Variants in CSMD1 observed in about 807,000 individuals in gnomAD.
CSMD1 encodes the protein CUB and Sushi multiple domains 1.
A neutral mutation model predicts 417.5 loss-of-function variants in CSMD1; 213 were observed. The ratio of observed to expected loss-of-function variants is 0.51; its 90% confidence interval spans 0.46 to 0.57. The LOEUF is 0.57. Ranked by LOEUF, CSMD1 falls within the 20% of genes least tolerant of loss-of-function variation. The probability of loss-of-function intolerance (pLI) is 0.00; values close to 1 mark genes in which losing one functional copy is unlikely to be tolerated. For missense variants in CSMD1, 6,923 were observed against 4,529.7 expected, an observed-to-expected ratio of 1.53 and a Z score of -15.17; for synonymous variants, 2,862 against 1,736.8, an observed-to-expected ratio of 1.65 and a Z score of -16.11.
intron 10 of CSMD1, among the ~76,000 whole-genome samples, chr8:3,497,523 C>A (rs772639510): frequency 6.6e-6 from 1 of 152,124 alleles, no homozygotes; most frequent in Non-Finnish European, 1.5e-5. Context: ...TCATGTCTCA[C>A]CCTTCTAGGT....
intron 36 of CSMD1, among the ~76,000 whole-genome samples, chr8:3,181,664 C>A (rs1187240407): frequency 6.6e-6 from 1 of 152,174 alleles, no homozygotes; most frequent in Non-Finnish European, 1.5e-5. Context: ...TGTATATATG[C>A]TCTTCCTGAT....
In CSMD1 at chr8:4,967,254, T is replaced by C. The variant is rs145196281; in HGVS notation, c.85+27078A>G. On this transcript the variant is annotated intron_variant, in intron 1 of 69. Transcript: ENST00000635120. Reference sequence around the variant, plus strand: ...AAATCAAAGTTGGATAATACTTAGGTTGAGTTTTTATCAATTATTCTCTTG... The same window carrying C: ...AAATCAAAGTTGGATAATACTTAGGCTGAGTTTTTATCAATTATTCTCTTG... Among the ~76,000 whole-genome samples, 442 of 152,314 alleles carry C rather than the reference T, an allele frequency of 2.9e-3. 7 individuals carry two copies. The highest frequency in any genetic ancestry group is 0.02 in the East Asian group (104 of 5,184).
In CSMD1 at chr8:4,709,457, T is replaced by G. The variant is rs138343829; in HGVS notation, c.86-71899A>C. 2.8e-3 allele frequency among the ~76,000 whole-genome samples: 428 copies of G among 152,336 alleles called. 3 individuals are homozygous for G. The highest frequency in any genetic ancestry group is 1.0e-2 in the African/African-American group (415 of 41,596). On this transcript the variant is annotated intron_variant, in intron 1 of 69. Transcript: ENST00000635120. ...GCCTCAACACAGGAAATAGAGGGAC[T>G]CTGTCCATAGGACGTAAGGAACAGG...
At chr8:3,611,345 A>T (rs573921641) in intron 8 of CSMD1, among the ~76,000 whole-genome samples, 1 of 152,116 alleles carries the variant, frequency 6.6e-6, no homozygotes, top group Non-Finnish European at 1.5e-5. Context: ...GGGCTTGGTG[A>T]AGCCTGAGGG....
At chr8:3,939,957 C>G (rs1184658455) in intron 5 of CSMD1, among the ~76,000 whole-genome samples, 1 of 151,942 alleles carries the variant, frequency 6.6e-6, no homozygotes, top group African/African-American at 2.4e-5. Context: ...GAAATCACCA[C>G]TAAAGAACTT....
intron 5 of CSMD1, among the ~76,000 whole-genome samples, chr8:3,962,917 CA>C (rs1812425535): frequency 6.6e-6 from 1 of 152,084 alleles, no homozygotes; most frequent in Middle Eastern, 3.2e-3. Flanking sequence ...ATTTTTTCCA[CA>C]AAACTTTTCA....
At chr8:4,029,675 G>A (rs183542706) in intron 4 of CSMD1, among the ~76,000 whole-genome samples, 1 of 152,092 alleles carries the variant, frequency 6.6e-6, no homozygotes, top group Non-Finnish European at 1.5e-5. Flanking sequence ...CAAATCTCAT[G>A]TCCTCACATT....
At chr8:4,755,048 G>C (rs1288378923) in intron 1 of CSMD1, among the ~76,000 whole-genome samples, 2 of 152,052 alleles carry the variant, frequency 1.3e-5, no homozygotes, top group Non-Finnish European at 2.9e-5. Context: ...TGAGGCAGAA[G>C]AATTGCTTGA....
chr8:3,726,398 C>T (rs1284320894), intron 6 of CSMD1, among the ~76,000 whole-genome samples: 1 of 152,144 alleles, frequency 6.6e-6, no homozygotes, highest in African/African-American at 2.4e-5. Flanking sequence ...TAATATAAGT[C>T]TCTATAATTA....
Position 3,181,022 on chromosome 8 carries a change from CT to C in CSMD1, c.5725+87del, listed in dbSNP as rs1255585528. ...ACAGTTTTAGAAAAATAATATTTCA[CT>C]GTTTAATAAGAGCATGATTTATTTT... On this transcript the variant is annotated intron_variant, in intron 37 of 69. Coordinates refer to ENST00000635120, the MANE Select transcript of CSMD1 (RefSeq NM_033225.6). 4 of 780,144 alleles carry C rather than the reference CT, an allele frequency of 5.1e-6. No individual in the cohort carries two copies. In the African/African-American group the frequency reaches 7.0e-5, roughly 14 times the overall value. The allele number at this position is 780,144 out of a possible 1,614,324, so 48.3% of individuals were successfully genotyped here.
intron 6 of CSMD1, among the ~76,000 whole-genome samples, chr8:3,715,818 C>T (rs1280150318): frequency 6.6e-6 from 1 of 152,180 alleles, no homozygotes; most frequent in Non-Finnish European, 1.5e-5. Flanking sequence ...GCTGGGATTG[C>T]AGGCATGAGC....
intron 2 of CSMD1, among the ~76,000 whole-genome samples, chr8:4,595,324 G>T (rs144073276): frequency 5.8e-5 from 5 of 86,182 alleles, no homozygotes; most frequent in African/African-American, 1.3e-4. Flanking sequence ...CTAAGGCAAA[G>T]GATAATCATG....
chr8:4,212,862 C>A (rs1306096965), intron 3 of CSMD1, among the ~76,000 whole-genome samples: 1 of 149,182 alleles, frequency 6.7e-6, no homozygotes, highest in African/African-American at 2.5e-5. Context: ...AGCTTTCCAT[C>A]CTACAGGAAG....
At chr8:4,128,343 G>A (rs568114082) in intron 3 of CSMD1, among the ~76,000 whole-genome samples, 4 of 152,290 alleles carry the variant, frequency 2.6e-5, no homozygotes, top group South Asian at 2.1e-4. Context: ...AGACAAGAAC[G>A]TGAACCAAGT....
intron 2 of CSMD1, among the ~76,000 whole-genome samples, chr8:4,591,277 G>A (rs1454297604): frequency 1.3e-5 from 2 of 152,208 alleles, no homozygotes; most frequent in Non-Finnish European, 2.9e-5. Flanking sequence ...CAAATGTGAA[G>A]TACGAAGTCG....
chr8:4,673,168 G>C (rs1467185852), intron 1 of CSMD1, among the ~76,000 whole-genome samples: 1 of 152,032 alleles, frequency 6.6e-6, no homozygotes, highest in South Asian at 2.1e-4. Flanking sequence ...TCTATGGAAG[G>C]AAAAAGAAAG....
intron 26 of CSMD1, among the ~76,000 whole-genome samples, chr8:3,240,491 CGT>C (rs1799426302): frequency 1.3e-5 from 2 of 151,546 alleles, no homozygotes; most frequent in African/African-American, 2.4e-5. Context: ...AGGGAGAGCA[CGT>C]GTGTTTTTAT....
At chr8:3,896,656 C>T (rs969993155) in intron 5 of CSMD1, among the ~76,000 whole-genome samples, 21 of 151,918 alleles carry the variant, frequency 1.4e-4, no homozygotes, top group African/African-American at 3.9e-4. Flanking sequence ...GGACTACAGG[C>T]GCCCGCCACC....
At chr8:3,158,226 G>T (rs985159450) in intron 38 of CSMD1, among the ~76,000 whole-genome samples, 2 of 151,982 alleles carry the variant, frequency 1.3e-5, no homozygotes, top group African/African-American at 4.8e-5. Context: ...ACCATAATTC[G>T]ACTCAGCTCC....
Sources: allele counts gnomAD v4.1 joint callset (sites outside exome capture counted in the v4.1 genomes callset), GRCh38; gene constraint gnomAD v4.1.1; transcripts MANE v1.5; gene names NCBI Gene and HGNC (gene_info 2026-07-23, HGNC 2026-07-21).